ATP8B2: variants seen among roughly 807,000 people sequenced by gnomAD.
ATP8B2 encodes the protein phospholipid-transporting ATPase ID.
ATP8B2 carries 70 observed loss-of-function variants against 133.4 expected under a neutral mutation model. The ratio of observed to expected loss-of-function variants is 0.52; its 90% CI spans 0.43 to 0.64. The LOEUF is 0.64. Among genes scored for constraint, ATP8B2 ranks in the 30% least tolerant of loss-of-function variants. ATP8B2 has a pLI of 0.00. For missense variants in ATP8B2, 1,101 were observed against 1,535.7 expected, an observed-to-expected ratio of 0.72 and a Z score of 4.73; for synonymous variants, 517 against 589.5, an observed-to-expected ratio of 0.88 and a Z score of 1.78.
At chr1:154,330,677 T>C in intron 3 of ATP8B2, 138 bp from the exon 4 acceptor site, 2 of 796,382 alleles carry the variant, frequency 2.5e-6, no homozygotes, top group Non-Finnish European at 4.1e-6. Flanking sequence ...TCTCTCCTCC[T>C]CTTTCCCCCT....
chr1:154,343,397 G>T lies in ATP8B2; in HGVS notation c.1643-56G>T. On this transcript the variant is annotated intron_variant, in intron 16 of 27. Transcript: ENST00000368489. The surrounding 1 kb of genome is among the most constrained non-coding windows in gnomAD (Gnocchi z 5.8). ...GGTGACTCTTGATGTGTTTATGTTG[G>T]GGGTCTTTGCCTGTCTGAATTTTTC... The T allele has an allele frequency of 3.7e-6, 6 of 1,605,370 alleles. No homozygotes were observed. The South Asian group carries it at 6.6e-5, about 18-fold the overall frequency.
At position 154,343,010 on chromosome 1, in the gene ATP8B2, G is replaced by GGCTCTGCTCT; in HGVS notation, c.1453+57_1453+66dup. 6.2e-7 allele frequency: 1 copy of GGCTCTGCTCT among 1,605,312 alleles called. No homozygotes were observed. Among genetic ancestry groups the GGCTCTGCTCT allele is most frequent in the Non-Finnish European group, 8.5e-7 (1 of 1,174,756 alleles). On this transcript the variant is annotated intron_variant, in intron 15 of 27. Transcript: ENST00000368489. This position sits in a 1 kb window ranked among gnomAD's most constrained non-coding sequence, Gnocchi z 5.8. ...CTCTCCTGACCTGACTCTGCCCTTGGGCTCTGCTCTGCTCTGCAATGCGGC... is the reference window on the plus strand; with the variant it reads ...CTCTCCTGACCTGACTCTGCCCTTGGGCTCTGCTCTGCTCTGCTCTGCTCTGCAATGCGGC...
chr1:154,343,567 A>G lies in ATP8B2; in HGVS notation c.1757A>G (p.Asn586Ser). Residue 586 changes from asparagine to serine, a missense_variant and splice_region_variant, in exon 17 of 28, where the codon AAT becomes AGT. Asn to Ser is a conservative substitution (Grantham distance 46, BLOSUM62 1). Coordinates refer to ENST00000368489, the MANE Select transcript of ATP8B2 (RefSeq NM_001370597.1). This position sits in a 1 kb window ranked among gnomAD's most constrained non-coding sequence, Gnocchi z 5.8. Reference protein sequence around the residue: ...ELLNTTMDHLNEYAGEGLRTL... With the variant: ...ELLNTTMDHLSEYAGEGLRTL... The stretch of plus-strand genomic sequence containing the variant: ...CTCAACACCACCATGGACCACCTTA[A>G]TGTGGGTGTGAGGAGAGGAGGGGCC... 2 of 1,611,718 alleles carry G rather than the reference A, an allele frequency of 1.2e-6. No individual in the cohort carries two copies. Among genetic ancestry groups the G allele is most frequent in the Non-Finnish European group, 1.7e-6 (2 of 1,178,150 alleles).
At position 154,334,432 on chromosome 1, in the gene ATP8B2, T is replaced by G; in HGVS notation, c.749-71T>G. ...TATTCCACCCTGGTGTCCTGCAGTC[T>G]GGGGATCAGGGCAGAAGCCCAGAGG... On this transcript the variant is annotated intron_variant, in intron 10 of 27. Coordinates refer to ENST00000368489, the MANE Select transcript of ATP8B2 (RefSeq NM_001370597.1). The surrounding 1 kb of genome is among the most constrained non-coding windows in gnomAD (Gnocchi z 4.6). The G allele has an allele frequency of 6.4e-7, 1 of 1,558,014 alleles. No individual in the cohort carries two copies. The highest frequency in any genetic ancestry group is 2.2e-5 in the East Asian group (1 of 44,570).
At position 154,344,216 on chromosome 1, in the gene ATP8B2, C is replaced by T. The variant is rs1330904981; in HGVS notation, c.1997C>T (p.Ala666Val). Reference protein sequence around the residue: ...VPETIALLTLANIKIWVLTGD... With the variant: ...VPETIALLTLVNIKIWVLTGD... ...GAGACCATTGCCCTCCTGACACTGGCCAACATCAAGATTTGGGTGCTAACC... is the reference window on the plus strand; with the variant it reads ...GAGACCATTGCCCTCCTGACACTGGTCAACATCAAGATTTGGGTGCTAACC... The change falls in exon 19 of 28, where the codon GCC becomes GTC. Residue 666 changes from alanine (A) to valine (V), a missense_variant. By Grantham distance (64) the Ala-to-Val change is moderately conservative. Transcript: ENST00000368489. This position sits in a 1 kb window ranked among gnomAD's most constrained non-coding sequence, Gnocchi z 4.1. 6.2e-7 allele frequency: 1 copy of T among 1,614,178 alleles called. No homozygotes were observed. The highest frequency in any genetic ancestry group is 1.7e-5 in the Admixed American group (1 of 60,018).
Position 154,345,367 on chromosome 1 carries a change from C to T in ATP8B2, c.2516C>T (p.Ala839Val). The T allele has an allele frequency of 6.2e-7, 1 of 1,614,196 alleles. No homozygotes were observed. Among genetic ancestry groups the T allele is most frequent in the Non-Finnish European group, 8.5e-7 (1 of 1,180,040 alleles). The change falls in exon 23 of 28, where the codon GCT becomes GTT. Residue 839 changes from alanine (A) to valine (V), a missense_variant. By Grantham distance (64) the Ala-to-Val change is moderately conservative. Coordinates refer to ENST00000368489, the MANE Select transcript of ATP8B2 (RefSeq NM_001370597.1). The surrounding 1 kb of genome is among the most constrained non-coding windows in gnomAD (Gnocchi z 5.6). ...ATCAGTGGGCAGGAAGGGATCCAGGCTGTCTTGGCCTCCGATTACTCCTTC... is the reference window on the plus strand; with the variant it reads ...ATCAGTGGGCAGGAAGGGATCCAGGTTGTCTTGGCCTCCGATTACTCCTTC... ...VGISGQEGIQ[A>V]VLASDYSFSQ...
rs772096481 is a variant in ATP8B2 at position 154,348,957 on chromosome 1, G to A, written c.3412G>A (p.Gly1138Arg). 3.7e-6 allele frequency: 6 copies of A among 1,614,128 alleles called. No homozygotes were observed. Among genetic ancestry groups the A allele is most frequent in the Non-Finnish European group, 3.4e-6 (4 of 1,180,052 alleles). ...GYAFSHQEGF[G>R]ELIMSGKNMR... The stretch of plus-strand genomic sequence containing the variant: ...TGCCTTCTCCCATCAGGAGGGCTTC[G>A]GGGAGCTCATCATGTCTGGCAAGAA... Residue 1138 changes from glycine (G) to arginine (R), a missense_variant, in exon 28 of 28, where the codon GGG (glycine) becomes AGG (arginine). By Grantham distance (125) the Gly-to-Arg change is moderately radical. Transcript: ENST00000368489.
chr1:154,327,571 C>T (rs998335312), intron 1 of ATP8B2, among the ~76,000 whole-genome samples: 3 of 152,024 alleles, frequency 2.0e-5, no homozygotes, highest in Non-Finnish European at 4.4e-5. Flanking sequence ...AATGTGAGCT[C>T]CCCTGGAGGA....
At chr1:154,341,839 C>T (rs1347804878) in intron 13 of ATP8B2, 1 of 154,008 alleles carries the variant, frequency 6.5e-6, no homozygotes, top group Non-Finnish European at 1.4e-5. Context: ...CTTGTCCTCT[C>T]CTGATGCCCT....
Position 154,334,199 on chromosome 1 carries a change from A to G in ATP8B2, c.682A>G (p.Asn228Asp), listed in dbSNP as rs1157867087. Residue 228 changes from asparagine (N) to aspartate (D), a missense_variant, in exon 10 of 28, where the codon AAC becomes GAC. By Grantham distance (23) the Asn-to-Asp change is conservative (BLOSUM62 1). Coordinates refer to ENST00000368489, the MANE Select transcript of ATP8B2 (RefSeq NM_001370597.1). The surrounding 1 kb of genome is among the most constrained non-coding windows in gnomAD (Gnocchi z 4.6). ...AAATAAGTTCCCTCTGAGCAACCAG[A>G]ACATGCTGCTGCGGGGCTGTGTGCT... ...KENKFPLSNQNMLLRGCVLRN... is the reference protein window; with the variant it reads ...KENKFPLSNQDMLLRGCVLRN... The G allele has an allele frequency of 6.2e-7, 1 of 1,614,194 alleles. No homozygotes were observed. The highest frequency in any genetic ancestry group is 1.7e-5 in the Admixed American group (1 of 60,018).
In ATP8B2 at chr1:154,351,034, C is replaced by G. The variant is rs1221071454; in HGVS notation, c.*1916C>G. The G allele has an allele frequency of 6.6e-6, 1 of 151,590 alleles. No individual in the cohort carries two copies. The highest frequency in any genetic ancestry group is 1.5e-5 in the Non-Finnish European group (1 of 67,880). The allele number at this position is 151,590 out of a possible 1,614,324, so 9.4% of individuals were successfully genotyped here. On this transcript the variant is annotated 3_prime_UTR_variant, in exon 28 of 28. Transcript: ENST00000368489. ...GTATCATGTCTGTCTGTGTGTCTCT[C>G]AAGGTGAGAGTCTGATTTTTATACC...
At position 154,328,930 on chromosome 1, in the gene ATP8B2, A is replaced by G. The variant is rs1469702941; in HGVS notation, c.31+758A>G. On this transcript the variant is annotated intron_variant, in intron 2 of 27. Coordinates refer to ENST00000368489, the MANE Select transcript of ATP8B2 (RefSeq NM_001370597.1). This position sits in a 1 kb window ranked among gnomAD's most constrained non-coding sequence, Gnocchi z 4.6. Reference sequence around the variant, plus strand: ...ACCTCCCCGGGGAGCCGCCCCGTCGATGCCACTAAGGCCAAGGACATATAG... The same window carrying G: ...ACCTCCCCGGGGAGCCGCCCCGTCGGTGCCACTAAGGCCAAGGACATATAG... 1.6e-6 allele frequency: 2 copies of G among 1,288,578 alleles called. No individual in the cohort carries two copies. Among genetic ancestry groups the G allele is most frequent in the South Asian group, 1.2e-5 (1 of 80,246 alleles). 79.8% of individuals were successfully genotyped at this position (1,288,578 alleles called of 1,614,324 possible). A position where few individuals can be genotyped will look rare whatever the true frequency, so the allele number is the denominator to read the frequency against.
In ATP8B2 at chr1:154,334,568, C is replaced by A; in HGVS notation, c.814C>A (p.Leu272Ile). ...TKFKRTSIDR[L>I]MNTLVLWIFG... Reference sequence around the variant, plus strand: ...GTTCAAAAGAACGAGTATCGATCGCCTAATGAATACCCTGGTGCTCTGGGT... The same window carrying A: ...GTTCAAAAGAACGAGTATCGATCGCATAATGAATACCCTGGTGCTCTGGGT... The change falls in exon 11 of 28, where the codon CTA becomes ATA. Residue 272 changes from leucine to isoleucine, a missense_variant. Transcript: ENST00000368489. This position sits in a 1 kb window ranked among gnomAD's most constrained non-coding sequence, Gnocchi z 4.6. 1 of 1,613,972 alleles carries A rather than the reference C, an allele frequency of 6.2e-7. No individual in the cohort carries two copies. Among genetic ancestry groups the A allele is most frequent in the South Asian group, 1.1e-5 (1 of 91,064 alleles).
Position 154,344,553 on chromosome 1 carries a change from G to C in ATP8B2, c.2141+53G>C. ...GCTGTGCGTTGTGCCCAGGGCTCAGGTGGGGGTTTCTGGACCATTTAGACT... is the reference window on the plus strand; with the variant it reads ...GCTGTGCGTTGTGCCCAGGGCTCAGCTGGGGGTTTCTGGACCATTTAGACT... On this transcript the variant is annotated intron_variant, in intron 20 of 27. Transcript: ENST00000368489. The surrounding 1 kb of genome is among the most constrained non-coding windows in gnomAD (Gnocchi z 4.1). 6.2e-7 allele frequency: 1 copy of C among 1,613,212 alleles called. No homozygotes were observed. The highest frequency in any genetic ancestry group is 8.5e-7 in the Non-Finnish European group (1 of 1,179,332).
At position 154,349,190 on chromosome 1, in the gene ATP8B2, C is replaced by G; in HGVS notation, c.*72C>G. 6.5e-7 allele frequency: 1 copy of G among 1,527,868 alleles called. No homozygotes were observed. Among genetic ancestry groups the G allele is most frequent in the Non-Finnish European group, 8.9e-7 (1 of 1,128,376 alleles). 94.6% of individuals were successfully genotyped at this position (1,527,868 alleles called of 1,614,324 possible). A position where few individuals can be genotyped will look rare whatever the true frequency, so the allele number is the denominator to read the frequency against. On this transcript the variant is annotated 3_prime_UTR_variant, in exon 28 of 28. Transcript: ENST00000368489. ...TGGCCAGTCACTGAGGGAACAGCGTCTCGGAACTGCTGGTCCTCATTCCTT... is the reference window on the plus strand; with the variant it reads ...TGGCCAGTCACTGAGGGAACAGCGTGTCGGAACTGCTGGTCCTCATTCCTT...
chr1:154,333,974 T>C, intron 9 of ATP8B2, 133 bp from the exon 10 acceptor site: 1 of 1,103,210 alleles, frequency 9.1e-7, no homozygotes, highest in East Asian at 2.4e-5. Context: ...CAGCTCACAC[T>C]CCTCCCAGCA....
intron 1 of ATP8B2, among the ~76,000 whole-genome samples, chr1:154,325,982 C>G (rs1370183387): frequency 6.6e-6 from 1 of 152,076 alleles, no homozygotes; most frequent in Non-Finnish European, 1.5e-5. Context: ...AGGAGAGCGG[C>G]GCGAGTGCCA....
rs1476199947 is a variant in ATP8B2 at position 154,349,181 on chromosome 1, G to C, written c.*63G>C. 2 of 1,563,834 alleles carry C rather than the reference G, an allele frequency of 1.3e-6. No individual in the cohort carries two copies. The highest frequency in any genetic ancestry group is 1.8e-5 in the Admixed American group (1 of 55,520). ...ACCCAGGGCTGGCCAGTCACTGAGG[G>C]AACAGCGTCTCGGAACTGCTGGTCC... is the stretch of plus-strand genomic sequence containing the variant. On this transcript the variant is annotated 3_prime_UTR_variant, in exon 28 of 28. Transcript: ENST00000368489.
rs762392413 is a variant in ATP8B2 at position 154,330,460 on chromosome 1, C to T, written c.90+6C>T. On this transcript the variant is annotated splice_donor_region_variant and intron_variant, in intron 3 of 27. Transcript: ENST00000368489. The stretch of plus-strand genomic sequence containing the variant: ...ATGAGAAATTCCAGTATGCGGTAAG[C>T]GACTCTAGACCACCTGTTCCCTCTC... The T allele has an allele frequency of 1.4e-5, 22 of 1,613,104 alleles. No individual in the cohort carries two copies. In the South Asian group the frequency reaches 2.1e-4, roughly 15 times the overall value.
Sources: allele counts gnomAD v4.1 joint callset (sites outside exome capture counted in the v4.1 genomes callset), GRCh38; gene constraint gnomAD v4.1.1; non-coding constraint Gnocchi (gnomAD v3.1); transcripts MANE v1.5; gene names NCBI Gene and HGNC (gene_info 2026-07-23, HGNC 2026-07-21).